The following CNOT1 variants were observed in gnomAD, a reference collection of about 807,000 sequenced individuals.
CNOT1 encodes CCR4-associated factor 1.
Under a neutral mutation model 273.8 loss-of-function variants are expected in CNOT1, and 15 were observed. That is an observed-to-expected ratio of 0.05 (90% confidence interval 0.04 to 0.08). CNOT1 has a LOEUF of 0.08. Ranked by LOEUF, CNOT1 falls within the 10% of genes least tolerant of loss-of-function variation. CNOT1 has a pLI of 1.00. For missense variants in CNOT1, 1,644 were observed against 2,912.2 expected, an observed-to-expected ratio of 0.56 and a Z score of 10.02; for synonymous variants, 1,022 against 1,005.5, an observed-to-expected ratio of 1.02 and a Z score of -0.31.
chr16:58,541,738 A>C, intron 33 of CNOT1, 118 bp from the exon 34 acceptor site: 1 of 960,450 alleles, frequency 1.0e-6, no homozygotes, highest in Non-Finnish European at 1.6e-6. Context: ...TACAACATAT[A>C]ACAGCATGAT....
Position 58,523,289 on chromosome 16 carries a change from C to T in CNOT1, c.6917+81G>A, listed in dbSNP as rs951050502. 2.1e-6 allele frequency: 3 copies of T among 1,404,338 alleles called. No homozygotes were observed. In the South Asian group the frequency reaches 4.5e-5, roughly 21 times the overall value. The allele number at this position is 1,404,338 out of a possible 1,614,324, so 87.0% of individuals were successfully genotyped here. ...CAACCAAACGGATTTTCACTGAACA[C>T]TGAAAGCATAAAGAGGAAAAAAAAA... On this transcript the variant is annotated intron_variant, in intron 47 of 48. Transcript: ENST00000317147.
Position 58,577,290 on chromosome 16 carries a change from T to G in CNOT1, c.1585-708A>C, listed in dbSNP as rs570122699. On this transcript the variant is annotated intron_variant, in intron 13 of 48. Transcript: ENST00000317147. ...AAGTATTCAATCACAAGTGAGGAGA[T>G]GCAGCTCGTTTACCAGCCCTTTCTA... 3.1e-3 allele frequency among the ~76,000 whole-genome samples: 467 copies of G among 152,304 alleles called. 4 individuals carry two copies. Among genetic ancestry groups the G allele is most frequent in the Non-Finnish European group, 5.0e-3 (343 of 68,020 alleles).
Position 58,523,484 on chromosome 16 carries a change from T to A in CNOT1, c.6803A>T (p.Asn2268Ile). 2 of 1,613,908 alleles carry A rather than the reference T, an allele frequency of 1.2e-6. No homozygotes were observed. Among genetic ancestry groups the A allele is most frequent in the Non-Finnish European group, 1.7e-6 (2 of 1,179,918 alleles). Residue 2268 changes from asparagine to isoleucine, a missense_variant, in exon 47 of 49, where the codon AAT becomes ATT. Asn to Ile is a moderately radical substitution (Grantham distance 149, BLOSUM62 -3). Coordinates refer to ENST00000317147, the MANE Select transcript of CNOT1 (RefSeq NM_016284.5). ...GTACCGGAGCTGATTTGCAATTGCA[T>A]TCAAAAAGAGATAGCGACCTAGAAA... The part of the protein sequence containing the change: ...LDTEGRYLFL[N>I]AIANQLRYPN...
intron 16 of CNOT1, among the ~76,000 whole-genome samples, chr16:58,563,272 A>G (rs2040925405): frequency 6.6e-6 from 1 of 152,210 alleles, no homozygotes; most frequent in East Asian, 1.9e-4. Context: ...TTGTGTTATA[A>G]TTGCCTTCAG....
At chr16:58,573,255 G>A (rs1001325810) in intron 16 of CNOT1, among the ~76,000 whole-genome samples, 5 of 147,512 alleles carry the variant, frequency 3.4e-5, no homozygotes, top group Admixed American at 6.8e-5. Flanking sequence ...GCAGTGAGCC[G>A]AGATCATGCC....
intron 1 of CNOT1, among the ~76,000 whole-genome samples, chr16:58,611,415 C>T (rs893652792): frequency 1.3e-5 from 2 of 151,530 alleles, no homozygotes; most frequent in East Asian, 3.9e-4. Context: ...AGCGACAGAG[C>T]GAGACTCCAT....
Position 58,535,469 on chromosome 16 carries a change from C to T in CNOT1, c.5647-1074G>A, listed in dbSNP as rs543167108. Among the ~76,000 whole-genome samples the T allele has an allele frequency of 3.3e-5, 5 of 152,194 alleles. No homozygotes were observed. The East Asian group carries it at 9.7e-4, about 29-fold the overall frequency. On this transcript the variant is annotated intron_variant, in intron 39 of 48. Transcript: ENST00000317147. ...GAAAAGTATAATACACTATCTTTTT[C>T]AAGAGAAAGATGAAATGAGAGCAAA... is the stretch of plus-strand genomic sequence containing the variant.
Position 58,525,222 on chromosome 16 carries a change from G to A in CNOT1, c.6741C>T (p.His2247=). The change falls in exon 46 of 49, where the codon CAC becomes CAT. Residue 2247 remains histidine, a synonymous_variant. Coordinates refer to ENST00000317147, the MANE Select transcript of CNOT1 (RefSeq NM_016284.5). ...CAGCCAAATTCTGGAAGATATCCAT[G>A]TGTGCTGAGTGAGTGATGGTGCTCA... ...PSMSTITHSA[H]MDIFQNLAVD... is the part of the protein sequence containing the mutation. The A allele has an allele frequency of 6.2e-7, 1 of 1,613,890 alleles. No individual in the cohort carries two copies. The highest frequency in any genetic ancestry group is 1.3e-5 in the African/African-American group (1 of 75,046).
chr16:58,542,205 G>A, intron 33 of CNOT1, 26 bp downstream of exon 33: 2 of 1,610,918 alleles, frequency 1.2e-6, no homozygotes, highest in Non-Finnish European at 1.7e-6. Flanking sequence ...AGATGGGACG[G>A]GGAAAGACAG....
At chr16:58,603,860 T>C (rs2042569006) in intron 1 of CNOT1, among the ~76,000 whole-genome samples, 1 of 152,150 alleles carries the variant, frequency 6.6e-6, no homozygotes, top group South Asian at 2.1e-4. Flanking sequence ...CCACATCATA[T>C]AAACTAACAC....
intron 1 of CNOT1, chr16:58,623,294 T>G (rs912391077): frequency 3.9e-5 from 6 of 152,244 alleles, no homozygotes; most frequent in Non-Finnish European, 5.9e-5. Flanking sequence ...TTGGTCTTCA[T>G]CCCATTTCCT....
chr16:58,578,886 T>C lies in CNOT1; in HGVS notation c.1397A>G (p.Tyr466Cys). ...GCTGAAGAGCTGTTTGACTTGCTCA[T>C]ACTGCCCAACCTCTGCAAGCCTCAG... ...SLLRLAEVGQ[Y>C]EQVKQLFSFP... Residue 466 changes from tyrosine (Y) to cysteine (C), a missense_variant, in exon 13 of 49, where the codon TAT becomes TGT. By Grantham distance (194) the Tyr-to-Cys change is radical. This residue lies in a region of CNOT1 where 706 missense variants were observed against 1,021.2 expected (regional missense o/e 0.69). Coordinates refer to ENST00000317147, the MANE Select transcript of CNOT1 (RefSeq NM_016284.5). 6.8e-6 allele frequency: 11 copies of C among 1,614,188 alleles called. No individual in the cohort carries two copies. Among genetic ancestry groups the C allele is most frequent in the Non-Finnish European group, 9.3e-6 (11 of 1,180,040 alleles).
chr16:58,558,442 T>C (rs1185675360), intron 18 of CNOT1, 31 bp downstream of exon 18: 3 of 1,612,284 alleles, frequency 1.9e-6, no homozygotes, highest in Non-Finnish European at 2.5e-6. Flanking sequence ...AACTTATGAA[T>C]AATCCATGCT....
intron 34 of CNOT1, among the ~76,000 whole-genome samples, 183 bp downstream of exon 34, chr16:58,541,318 T>G (rs182673080): frequency 6.6e-6 from 1 of 152,302 alleles, no homozygotes; most frequent in Admixed American, 6.5e-5. Context: ...CCATGTCAAT[T>G]TTTCTTTAAT....
intron 33 of CNOT1, 78 bp from the exon 34 acceptor site, chr16:58,541,698 T>G (rs1185606090): frequency 1.4e-6 from 2 of 1,438,574 alleles, no homozygotes; most frequent in African/African-American, 2.8e-5. Context: ...AAAGTCTGCA[T>G]GTGGGTAAGC....
intron 3 of CNOT1, 62 bp from the exon 4 acceptor site, chr16:58,587,940 G>A: frequency 2.0e-6 from 3 of 1,465,766 alleles, no homozygotes; most frequent in African/African-American, 1.4e-5. Flanking sequence ...AACAGAAGCT[G>A]AGGTACTCAG....
chr16:58,534,010 T>C (rs531334619), intron 40 of CNOT1, 137 bp downstream of exon 40: 1 of 1,115,090 alleles, frequency 9.0e-7, no homozygotes, highest in African/African-American at 1.6e-5. Context: ...TATTCCCAGC[T>C]ACTTCGGAGG....
At chr16:58,569,396 A>G (rs1200719631) in intron 16 of CNOT1, among the ~76,000 whole-genome samples, 2 of 152,178 alleles carry the variant, frequency 1.3e-5, no homozygotes, top group African/African-American at 4.8e-5. Flanking sequence ...TGCTGCTGGG[A>G]TTATAGGCTG....
chr16:58,599,054 A>G, intron 2 of CNOT1, 182 bp downstream of exon 2: 1 of 589,940 alleles, frequency 1.7e-6, no homozygotes, highest in Non-Finnish European at 2.5e-6. Context: ...CTGTCTCAAA[A>G]AAAAAAAAAA....
Sources: gnomAD v4.1 joint callset for allele counts (sites outside exome capture counted in the v4.1 genomes callset) on GRCh38, gnomAD v4.1.1 for gene constraint, gnomAD v4.1.1 regional missense constraint, MANE v1.5 for transcripts, NCBI Gene and HGNC (gene_info 2026-07-23, HGNC 2026-07-21) for gene names.